Variants in CDC42EP4 observed in about 807,000 individuals in gnomAD.
CDC42EP4 encodes the protein CDC42 effector protein (Rho GTPase binding) 4.
Under a neutral mutation model 5.6 loss-of-function variants are expected in CDC42EP4, and 6 were observed. That is an observed-to-expected ratio of 1.07 (90% CI 0.59 to 2.12). The LOEUF (loss-of-function observed/expected upper bound fraction) is 2.12, where lower values mean the gene tolerates loss of function less well. CDC42EP4 is among the 30% of genes most tolerant of loss of function. CDC42EP4 has a pLI of 0.00. For synonymous variants in CDC42EP4, 230 were observed against 224.2 expected, an observed-to-expected ratio of 1.03 and a Z score of -0.23; for missense variants, 490 against 508.6, an observed-to-expected ratio of 0.96 and a Z score of 0.35.
rs767949248 is a variant in CDC42EP4 at position 73,286,429 on chromosome 17, G to A, written c.72C>T (p.Ala24=). ...CGCCCAGCGGGGCGCTGATCATCTC[G>A]GCCGTGAGGTCCGCTCGGGAACGGC... ...SKRRSRADLT[A]EMISAPLGDF... Residue 24 remains alanine (A), a synonymous_variant, in exon 2 of 2, where the codon GCC becomes GCT. Transcript: ENST00000335793. This position sits in a 1 kb window ranked among gnomAD's most constrained non-coding sequence, Gnocchi z 7.7. 10 of 1,613,088 alleles carry A rather than the reference G, an allele frequency of 6.2e-6. No individual in the cohort carries two copies. Among genetic ancestry groups the A allele is most frequent in the East Asian group, 2.2e-5 (1 of 44,860 alleles).
At chr17:73,300,369 G>A (rs1273041855) in intron 1 of CDC42EP4, among the ~76,000 whole-genome samples, 2 of 152,168 alleles carry the variant, frequency 1.3e-5, no homozygotes, top group Admixed American at 6.5e-5. Context: ...GGAGGGAGGA[G>A]TCTACTGGGA....
chr17:73,301,422 T>C (rs1332447349), intron 1 of CDC42EP4, among the ~76,000 whole-genome samples: 1 of 152,274 alleles, frequency 6.6e-6, no homozygotes, highest in Non-Finnish European at 1.5e-5. Context: ...TAACAATTTA[T>C]GCTACATTGT....
intron 1 of CDC42EP4, among the ~76,000 whole-genome samples, chr17:73,297,085 G>GGAGTTCAAGACCAGCCT (rs973464234): frequency 1.5e-4 from 23 of 150,814 alleles, no homozygotes; most frequent in Admixed American, 1.3e-4. Context: ...CCCGAGGTCA[G>GGAGTTCAAGACCAGCCT]GAGTTCAAGA....
At position 73,285,907 on chromosome 17, in the gene CDC42EP4, G is replaced by A. The variant is rs776927898; in HGVS notation, c.594C>T (p.Tyr198=). ...TDLPVVPKAT[Y]GLKHAESIMS... is the part of the protein sequence containing the mutation. The stretch of plus-strand genomic sequence containing the variant: ...TGATGGACTCCGCATGCTTCAGCCC[G>A]TACGTGGCCTTGGGCACGACAGGCA... Residue 198 remains tyrosine, a synonymous_variant, in exon 2 of 2, where the codon TAC becomes TAT. Coordinates refer to ENST00000335793, the MANE Select transcript of CDC42EP4 (RefSeq NM_012121.5). The surrounding 1 kb of genome is among the most constrained non-coding windows in gnomAD (Gnocchi z 6.8). The A allele has an allele frequency of 1.1e-5, 17 of 1,614,032 alleles. No individual in the cohort carries two copies. Among genetic ancestry groups the A allele is most frequent in the South Asian group, 3.3e-5 (3 of 91,088 alleles).
chr17:73,288,970 A>G (rs1464410020), intron 1 of CDC42EP4, among the ~76,000 whole-genome samples: 1 of 152,222 alleles, frequency 6.6e-6, no homozygotes, highest in African/African-American at 2.4e-5. Flanking sequence ...ACTCTGGGTC[A>G]TAGGTCAGCT....
intron 1 of CDC42EP4, among the ~76,000 whole-genome samples, chr17:73,300,726 T>C (rs1489674979): frequency 6.6e-6 from 1 of 152,168 alleles, no homozygotes; most frequent in Non-Finnish European, 1.5e-5. Context: ...ACTCCTTATA[T>C]TTATACACAT....
intron 1 of CDC42EP4, among the ~76,000 whole-genome samples, chr17:73,295,491 G>C (rs2062179851): frequency 2.0e-5 from 3 of 152,184 alleles, no homozygotes. Context: ...ACCAGGCAGG[G>C]GGAACATTAC....
At chr17:73,296,119 C>T (rs2062183195) in intron 1 of CDC42EP4, among the ~76,000 whole-genome samples, 1 of 151,382 alleles carries the variant, frequency 6.6e-6, no homozygotes, top group Non-Finnish European at 1.5e-5. Flanking sequence ...GTCGCAGTGG[C>T]TCACGCCTGT....
intron 1 of CDC42EP4, among the ~76,000 whole-genome samples, chr17:73,299,619 C>T (rs1220385352): frequency 6.6e-6 from 1 of 152,054 alleles, no homozygotes; most frequent in Non-Finnish European, 1.5e-5. Context: ...CCTCTCACAA[C>T]TTCTAAGTGG....
At chr17:73,297,331 A>G (rs7221537) in intron 1 of CDC42EP4, among the ~76,000 whole-genome samples, 96,020 of 144,176 alleles carry the variant, frequency 0.67, 31,981 homozygotes, top group Admixed American at 0.73. Flanking sequence ...CAAATTAGCC[A>G]GGTGTTGTGG....
At chr17:73,291,478 C>T (rs59747253) in intron 1 of CDC42EP4, among the ~76,000 whole-genome samples, 7,878 of 152,212 alleles carry the variant, frequency 0.052, 339 homozygotes, top group African/African-American at 0.11. Flanking sequence ...TTGGAGGTGA[C>T]GAGCTGGATC....
intron 1 of CDC42EP4, chr17:73,307,364 C>G (rs914456230): frequency 4.0e-5 from 6 of 151,822 alleles, no homozygotes; most frequent in African/African-American, 1.5e-4. Flanking sequence ...CAAGTCTCCT[C>G]AAGAAGGCGT....
At chr17:73,292,172 C>T (rs538554945) in intron 1 of CDC42EP4, among the ~76,000 whole-genome samples, 4 of 152,372 alleles carry the variant, frequency 2.6e-5, no homozygotes, top group South Asian at 2.1e-4. Context: ...ATACAGGGTA[C>T]ACAACATGCC....
rs745809418 is a variant in CDC42EP4, at chr17:73,285,978, G to A, written c.523C>T (p.Pro175Ser). 6 of 1,613,524 alleles carry A rather than the reference G, an allele frequency of 3.7e-6. No individual in the cohort carries two copies. In the East Asian group the frequency reaches 6.7e-5, roughly 18 times the overall value. ...GCCTGCTCATCGAGGAGGGGGTCAG[G>A]GGAATGTGGACCCGCGGCCCCATTC... Reference protein sequence around the residue: ...RRNGAAGPHSPDPLLDEQAFG... With the variant: ...RRNGAAGPHSSDPLLDEQAFG... The change falls in exon 2 of 2, where the codon CCT becomes TCT. Residue 175 changes from proline to serine, a missense_variant. Coordinates refer to ENST00000335793, the MANE Select transcript of CDC42EP4 (RefSeq NM_012121.5). The surrounding 1 kb of genome is among the most constrained non-coding windows in gnomAD (Gnocchi z 6.8).
rs2062114287 is a variant in CDC42EP4 at position 73,283,699 on chromosome 17, ATTGGC to A, written c.*1726_*1730del. 2 of 152,176 alleles carry A rather than the reference ATTGGC, an allele frequency of 1.3e-5. No individual in the cohort carries two copies. Among genetic ancestry groups the A allele is most frequent in the Admixed American group, 1.3e-4 (2 of 15,280 alleles). The allele number at this position is 152,176 out of a possible 1,614,324, so 9.4% of individuals were successfully genotyped here. A position where few individuals can be genotyped will look rare whatever the true frequency, so the allele number is the denominator to read the frequency against. On this transcript the variant is annotated 3_prime_UTR_variant, in exon 2 of 2. Coordinates refer to ENST00000335793, the MANE Select transcript of CDC42EP4 (RefSeq NM_012121.5). ...GAAAAAAATCAGTTTAGAATCTGGA[ATTGGC>A]CTGGACGGGATTCGAGGGCAGCTGG...
intron 1 of CDC42EP4, chr17:73,309,817 G>T (rs1437699464): frequency 6.6e-6 from 1 of 152,226 alleles, no homozygotes; most frequent in Non-Finnish European, 1.5e-5. Context: ...GGTCCACCAG[G>T]ATGCCTGGGA....
chr17:73,297,166 C>G (rs548766618), intron 1 of CDC42EP4, among the ~76,000 whole-genome samples: 35,862 of 146,410 alleles, frequency 0.24, 4,853 homozygotes, highest in Middle Eastern at 0.33. Context: ...TGGTGGCAGG[C>G]GCCTGTAATC....
chr17:73,306,005 G>C (rs2062242957), intron 1 of CDC42EP4, among the ~76,000 whole-genome samples: 2 of 152,092 alleles, frequency 1.3e-5, no homozygotes, highest in South Asian at 4.1e-4. Flanking sequence ...CCTCGGATCT[G>C]GTTTCTTTCC....
chr17:73,300,154 G>C (rs556871877), intron 1 of CDC42EP4, among the ~76,000 whole-genome samples: 4 of 152,288 alleles, frequency 2.6e-5, no homozygotes, highest in African/African-American at 9.6e-5. Context: ...ATCCATGCCA[G>C]GATCATTGAT....
Sources: allele counts gnomAD v4.1 joint callset (sites outside exome capture counted in the v4.1 genomes callset), GRCh38; gene constraint gnomAD v4.1.1; non-coding constraint Gnocchi (gnomAD v3.1); transcripts MANE v1.5; gene names NCBI Gene and HGNC (gene_info 2026-07-23, HGNC 2026-07-21).